The following CMIP variants were observed in gnomAD, a reference collection of about 807,000 sequenced individuals.
The protein encoded by CMIP is c-Maf inducing protein.
A neutral mutation model predicts 97.3 loss-of-function variants in CMIP; 13 were observed. The observed-to-expected ratio is 0.13, with a 90% CI of 0.09 to 0.21. The LOEUF (loss-of-function observed/expected upper bound fraction) is 0.21. CMIP is among the 10% of genes least tolerant of loss of function. The probability of loss-of-function intolerance (pLI) is 1.00; values close to 1 mark genes in which losing one functional copy is unlikely to be tolerated. For missense variants in CMIP, 847 were observed against 1,024.9 expected (o/e 0.83, Z 2.37); for synonymous variants, 538 against 436.3 (o/e 1.23, Z -2.91).
chr16:81,586,944 G>C (rs1163673933), intron 1 of CMIP, among the ~76,000 whole-genome samples: 1 of 152,170 alleles, frequency 6.6e-6, no homozygotes, highest in Non-Finnish European at 1.5e-5. Context: ...ATTCAAATCT[G>C]GGGTGTTCCG....
At chr16:81,608,845 C>T (rs2091785442) in intron 2 of CMIP, among the ~76,000 whole-genome samples, 1 of 152,166 alleles carries the variant, frequency 6.6e-6, no homozygotes, top group Non-Finnish European at 1.5e-5. Context: ...CTTGCTTTTT[C>T]TTTTGGGATC....
At chr16:81,632,528 A>G (rs1471665885) in intron 3 of CMIP, among the ~76,000 whole-genome samples, 1 of 152,170 alleles carries the variant, frequency 6.6e-6, no homozygotes, top group Non-Finnish European at 1.5e-5. Flanking sequence ...TTTAAGGTGG[A>G]TGGAACTTTA....
intron 1 of CMIP, among the ~76,000 whole-genome samples, chr16:81,578,426 G>T (rs971880138): frequency 1.3e-5 from 2 of 152,250 alleles, no homozygotes; most frequent in African/African-American, 4.8e-5. Context: ...CTATGTGAGT[G>T]CTGGGTCTTG....
chr16:81,506,113 C>G (rs2089704738), intron 1 of CMIP, among the ~76,000 whole-genome samples: 1 of 152,354 alleles, frequency 6.6e-6, no homozygotes, highest in Admixed American at 6.5e-5. Flanking sequence ...TCCTGCAACC[C>G]TAACAGGTGG....
chr16:81,635,239 T>A (rs1188629275), intron 3 of CMIP, among the ~76,000 whole-genome samples: 1 of 151,304 alleles, frequency 6.6e-6, no homozygotes, highest in African/African-American at 2.4e-5. Flanking sequence ...TGCAAATTGC[T>A]TTTTCGCTCT....
intron 9 of CMIP, among the ~76,000 whole-genome samples, chr16:81,675,898 C>T (rs1448354617): frequency 6.6e-6 from 1 of 152,222 alleles, no homozygotes; most frequent in Non-Finnish European, 1.5e-5. Context: ...AACAAGCTCC[C>T]AGGCGAAGCT....
In CMIP at chr16:81,670,259, G is replaced by A. The variant is rs530524358; in HGVS notation, c.929+14G>A. On this transcript the variant is annotated intron_variant, in intron 8 of 20. Transcript: ENST00000537098. ...GTTCATTCAGAGGTGGGTCTCCGGC[G>A]CGACGTCCCTCTGTGGCCTAGGAGC... 1.1e-5 allele frequency: 17 copies of A among 1,598,268 alleles called. No homozygotes were observed. The highest frequency in any genetic ancestry group is 5.4e-5 in the African/African-American group (4 of 74,754).
rs116450540 is a variant in CMIP at position 81,555,183 on chromosome 16, A to G, written c.301-52384A>G. ...ATCTCCTCTCTTGCAGAAATCCACA[A>G]GCAGCATTTCCGATGTTGTCATTGT... On this transcript the variant is annotated intron_variant, in intron 1 of 20. Transcript: ENST00000537098. Among the ~76,000 whole-genome samples, 157 of 152,310 alleles carry G rather than the reference A, an allele frequency of 1.0e-3. 1 individual carries two copies. The highest frequency in any genetic ancestry group is 3.6e-3 in the African/African-American group (150 of 41,584).
At chr16:81,460,333 G>C (rs1361755901) in intron 1 of CMIP, among the ~76,000 whole-genome samples, 1 of 152,132 alleles carries the variant, frequency 6.6e-6, no homozygotes, top group Non-Finnish European at 1.5e-5. Flanking sequence ...GGTTGCCATG[G>C]GTGGGTGGCG....
chr16:81,585,118 G>C (rs2091360287), intron 1 of CMIP, among the ~76,000 whole-genome samples: 1 of 152,186 alleles, frequency 6.6e-6, no homozygotes, highest in African/African-American at 2.4e-5. Context: ...GAGGTGGGCA[G>C]ATCACTTGAG....
At chr16:81,576,579 G>A (rs1052258392) in intron 1 of CMIP, among the ~76,000 whole-genome samples, 1 of 152,132 alleles carries the variant, frequency 6.6e-6, no homozygotes, top group African/African-American at 2.4e-5. Flanking sequence ...GGTCCAGTAG[G>A]TTGCTCAGGG....
intron 1 of CMIP, among the ~76,000 whole-genome samples, chr16:81,554,033 C>A (rs1489159282): frequency 2.0e-5 from 3 of 152,218 alleles, no homozygotes; most frequent in African/African-American, 7.2e-5. Context: ...CGAGGCTGCC[C>A]TGTGGTGGGC....
intron 1 of CMIP, among the ~76,000 whole-genome samples, chr16:81,528,768 G>A (rs1236268047): frequency 6.6e-6 from 1 of 152,142 alleles, no homozygotes; most frequent in Non-Finnish European, 1.5e-5. Flanking sequence ...TAGAATTAAG[G>A]TCATAGAGCA....
chr16:81,705,482 G>A lies in CMIP; in HGVS notation c.2092-17G>A. 1 of 1,569,592 alleles carries A rather than the reference G, an allele frequency of 6.4e-7. No homozygotes were observed. The highest frequency in any genetic ancestry group is 1.2e-5 in the South Asian group (1 of 86,246). ...AGGAGTGGCCGGGAGAGGGCTGAGA[G>A]TTTCTGTGCTCTACAGTTTGGAGAC... On this transcript the variant is annotated splice_polypyrimidine_tract_variant and intron_variant, in intron 18 of 20. Transcript: ENST00000537098.
intron 1 of CMIP, among the ~76,000 whole-genome samples, chr16:81,605,361 C>G (rs560538712): frequency 6.6e-6 from 1 of 152,200 alleles, no homozygotes; most frequent in Non-Finnish European, 1.5e-5. Flanking sequence ...ACGCAGCTGC[C>G]TCCTCCCCTA....
At chr16:81,588,958 G>A (rs2091425697) in intron 1 of CMIP, among the ~76,000 whole-genome samples, 1 of 152,148 alleles carries the variant, frequency 6.6e-6, no homozygotes, top group Non-Finnish European at 1.5e-5. Context: ...AGGCAGAGCT[G>A]AGATATAAAG....
intron 3 of CMIP, chr16:81,631,469 A>G (rs1188378177): frequency 6.6e-6 from 1 of 152,190 alleles, no homozygotes; most frequent in Non-Finnish European, 1.5e-5. Context: ...AGAAAAGGGT[A>G]CAAATCAAAA....
intron 1 of CMIP, among the ~76,000 whole-genome samples, chr16:81,550,315 G>C (rs776395293): frequency 7.2e-5 from 11 of 152,218 alleles, no homozygotes; most frequent in Non-Finnish European, 1.5e-4. Context: ...GTGTGGAGTG[G>C]CATTGAAGGT....
chr16:81,476,760 A>G (rs542200980), intron 1 of CMIP, among the ~76,000 whole-genome samples: 2 of 152,350 alleles, frequency 1.3e-5, no homozygotes, highest in South Asian at 4.1e-4. Flanking sequence ...AAACAATGCC[A>G]CAGTGAACAT....
Sources: gnomAD v4.1 joint callset for allele counts (sites outside exome capture counted in the v4.1 genomes callset) on GRCh38, gnomAD v4.1.1 for gene constraint, MANE v1.5 for transcripts, NCBI Gene and HGNC (gene_info 2026-07-23, HGNC 2026-07-21) for gene names.